Variants in CCDC171 observed in about 807,000 individuals in gnomAD.
CCDC171 encodes coiled-coil domain containing 171.
In CCDC171, 177 loss-of-function variants were observed where a neutral mutation model predicts 168.2. The observed-to-expected ratio is 1.05, with a 90% CI of 0.93 to 1.19. CCDC171 has a LOEUF of 1.19. Ranked by LOEUF, CCDC171 falls within the 50% of genes most tolerant of loss-of-function variation. The probability of loss-of-function intolerance (pLI) is 0.00; values close to 1 mark genes in which losing one functional copy is unlikely to be tolerated. For synonymous variants in CCDC171, 687 were observed against 540.8 expected (o/e 1.27, Z -3.75); for missense variants, 1,991 against 1,539.0 (o/e 1.29, Z -4.91).
intron 7 of CCDC171, among the ~76,000 whole-genome samples, chr9:15,627,580 G>C (rs887006817): frequency 6.6e-6 from 1 of 152,200 alleles, no homozygotes; most frequent in African/African-American, 2.4e-5. Flanking sequence ...TATGTACCCA[G>C]TAGTCATTCA....
intron 8 of CCDC171, among the ~76,000 whole-genome samples, chr9:15,659,232 G>A (rs1417933538): frequency 3.3e-5 from 5 of 152,082 alleles, no homozygotes; most frequent in Non-Finnish European, 5.9e-5. Flanking sequence ...AGCAACTGCC[G>A]GTAGCTTATC....
At chr9:15,821,217 C>T (rs1425910001) in intron 21 of CCDC171, among the ~76,000 whole-genome samples, 3 of 117,426 alleles carry the variant, frequency 2.6e-5, no homozygotes, top group African/African-American at 9.6e-5. Flanking sequence ...ATGACAGACC[C>T]ACACCCAGTA....
At chr9:15,789,189 T>C (rs1325634074) in intron 21 of CCDC171, among the ~76,000 whole-genome samples, 1 of 152,072 alleles carries the variant, frequency 6.6e-6, no homozygotes, top group Non-Finnish European at 1.5e-5. Flanking sequence ...GACATGACAC[T>C]CAAAGTAAAT....
chr9:15,574,469 G>T (rs2040477423), intron 3 of CCDC171, among the ~76,000 whole-genome samples: 1 of 151,958 alleles, frequency 6.6e-6, no homozygotes, highest in Non-Finnish European at 1.5e-5. Flanking sequence ...AGTGGAGACG[G>T]AGTTTTACCA....
At chr9:15,888,442 C>T (rs12685963) in intron 24 of CCDC171, among the ~76,000 whole-genome samples, 10,706 of 152,128 alleles carry the variant, frequency 0.07, 862 homozygotes, top group African/African-American at 0.19. Context: ...TAAATAATTA[C>T]ATAAAGTAAT....
chr9:15,681,132 C>A (rs2050016053), intron 10 of CCDC171, among the ~76,000 whole-genome samples: 1 of 152,044 alleles, frequency 6.6e-6, no homozygotes, highest in South Asian at 2.1e-4. Flanking sequence ...CTTTGTTTTC[C>A]TGTTGGGACC....
chr9:15,607,162 A>T (rs928737991), intron 6 of CCDC171, among the ~76,000 whole-genome samples: 4 of 152,210 alleles, frequency 2.6e-5, no homozygotes, highest in African/African-American at 7.2e-5. Context: ...TATATACTCA[A>T]TGCCCAATAT....
At chr9:15,888,982 G>T in intron 24 of CCDC171, 1 of 93,102 alleles carries the variant, frequency 1.1e-5, no homozygotes, top group Non-Finnish European at 2.0e-5. Context: ...TTTTGAGACA[G>T]GGTCTTACTT....
intron 7 of CCDC171, among the ~76,000 whole-genome samples, chr9:15,625,248 T>C (rs2044963641): frequency 6.6e-6 from 1 of 152,248 alleles, no homozygotes; most frequent in Admixed American, 6.5e-5. Context: ...TGTAAAAATT[T>C]TCTCCCATTC....
At chr9:15,950,187 T>C (rs1195951510) in intron 25 of CCDC171, among the ~76,000 whole-genome samples, 2 of 152,092 alleles carry the variant, frequency 1.3e-5, no homozygotes, top group Non-Finnish European at 2.9e-5. Context: ...TGGAACCAAG[T>C]TGGAAACACT....
Position 15,565,268 on chromosome 9 carries a change from A to T in CCDC171, c.41+1139A>T, listed in dbSNP as rs186097690. On this transcript the variant is annotated intron_variant, in intron 2 of 25. Coordinates refer to ENST00000380701, the MANE Select transcript of CCDC171 (RefSeq NM_173550.4). ...CACGCCTGGCTAATTTTAAATATGT[A>T]TTTACAAATTAGAATATTTCACCTT... 3.9e-5 allele frequency among the ~76,000 whole-genome samples: 6 copies of T among 151,948 alleles called. No individual in the cohort carries two copies. The East Asian group carries it at 1.2e-3, about 29-fold the overall frequency.
chr9:15,906,464 A>C (rs1281120756), intron 24 of CCDC171, among the ~76,000 whole-genome samples: 1 of 152,230 alleles, frequency 6.6e-6, no homozygotes, highest in Non-Finnish European at 1.5e-5. Flanking sequence ...CTTTGACAAA[A>C]TTGGACAACG....
At chr9:15,727,795 C>T in intron 14 of CCDC171, 74 bp from the exon 15 acceptor site, 14 of 1,141,124 alleles carry the variant, frequency 1.2e-5, no homozygotes, top group Non-Finnish European at 1.1e-5. Flanking sequence ...TAACTCTTCA[C>T]CATTAGTATT....
chr9:15,907,748 C>T (rs917059246), intron 24 of CCDC171, among the ~76,000 whole-genome samples: 8 of 152,022 alleles, frequency 5.3e-5, no homozygotes, highest in Non-Finnish European at 8.8e-5. Flanking sequence ...AAAATTTTCG[C>T]AATCTAGTCA....
intron 2 of CCDC171, among the ~76,000 whole-genome samples, chr9:15,569,846 C>CAAAAACAGA (rs1554680996): frequency 7.2e-6 from 1 of 139,814 alleles, no homozygotes; most frequent in South Asian, 2.2e-4. Context: ...AACAAACAAA[C>CAAAAACAGA]AAAAAAAAAA....
At chr9:16,098,887 C>T in the CCDC171 span, among the ~76,000 whole-genome samples, 30 of 152,272 alleles carry the variant, frequency 2.0e-4, no homozygotes, top group African/African-American at 6.5e-4. Context: ...TATGTGGGCA[C>T]GGATGTTCCT....
intron 24 of CCDC171, among the ~76,000 whole-genome samples, chr9:15,909,146 G>C (rs1823225572): frequency 6.6e-6 from 1 of 152,080 alleles, no homozygotes; most frequent in Non-Finnish European, 1.5e-5. Context: ...ACAACTTTTT[G>C]TTGAGAGTAA....
chr9:15,591,044 A>G (rs1002796193), intron 4 of CCDC171, among the ~76,000 whole-genome samples: 3 of 151,942 alleles, frequency 2.0e-5, no homozygotes, highest in African/African-American at 7.3e-5. Flanking sequence ...GACAAAAACC[A>G]ATAGAGTTGC....
intron 21 of CCDC171, among the ~76,000 whole-genome samples, chr9:15,798,557 G>A (rs943060642): frequency 1.3e-5 from 2 of 152,058 alleles, no homozygotes; most frequent in Admixed American, 1.3e-4. Context: ...GGTTAGTTTA[G>A]CCCTTCTTTT....
Sources: allele counts gnomAD v4.1 joint callset (sites outside exome capture counted in the v4.1 genomes callset), GRCh38; gene constraint gnomAD v4.1.1; transcripts MANE v1.5; gene names NCBI Gene and HGNC (gene_info 2026-07-23, HGNC 2026-07-21).